Variants in AMOTL1 observed in about 807,000 individuals in gnomAD.
AMOTL1 encodes the protein angiomotin like 1, also known as angiomotin-like protein 1.
A neutral mutation model predicts 102.9 loss-of-function variants in AMOTL1; 45 were observed. The observed-to-expected ratio is 0.44, with a 90% CI of 0.34 to 0.56. The LOEUF is 0.56. AMOTL1 is among the 20% of genes least tolerant of loss of function. The pLI, the probability that AMOTL1 is intolerant of heterozygous loss-of-function variation, is 0.01. For missense variants in AMOTL1, 1,114 were observed against 1,225.6 expected (o/e 0.91, Z 1.36); for synonymous variants, 481 against 484.7 (o/e 0.99, Z 0.10).
intron 7 of AMOTL1, among the ~76,000 whole-genome samples, chr11:94,850,494 C>T (rs937979617): frequency 7.9e-5 from 12 of 152,250 alleles, no homozygotes; most frequent in Admixed American, 7.2e-4. Context: ...CACTCACACT[C>T]GGTGTGAAGC....
chr11:94,714,671 A>G (rs1279026487), intron 1 of AMOTL1, among the ~76,000 whole-genome samples: 1 of 152,136 alleles, frequency 6.6e-6, no homozygotes, highest in Non-Finnish European at 1.5e-5. Context: ...AAAGTTGTTC[A>G]TATATTTCAT....
chr11:94,706,493 G>A (rs1399440120), exon 1 of AMOTL1: 4 of 152,222 alleles, frequency 2.6e-5, no homozygotes, highest in South Asian at 4.1e-4. Context: ...CAGGGATGAA[G>A]TCACCTTTCT....
At chr11:94,712,207 A>C (rs1950031352) in intron 1 of AMOTL1, among the ~76,000 whole-genome samples, 1 of 152,024 alleles carries the variant, frequency 6.6e-6, no homozygotes, top group South Asian at 2.1e-4. Flanking sequence ...GATGCTGACC[A>C]TCTTTTCATG....
At chr11:94,786,894 C>G (rs1951197763) in intron 1 of AMOTL1, among the ~76,000 whole-genome samples, 1 of 152,282 alleles carries the variant, frequency 6.6e-6, no homozygotes, top group South Asian at 2.1e-4. Context: ...CATGATGTGT[C>G]AGAAACTCTT....
intron 3 of AMOTL1, among the ~76,000 whole-genome samples, chr11:94,743,577 G>A (rs1038374382): frequency 6.6e-6 from 1 of 150,786 alleles, no homozygotes; most frequent in Non-Finnish European, 1.5e-5. Context: ...ATGAGCACAG[G>A]TTCACTCCTG....
At chr11:94,747,198 G>A (rs1950599821) in intron 3 of AMOTL1, among the ~76,000 whole-genome samples, 1 of 152,084 alleles carries the variant, frequency 6.6e-6, no homozygotes, top group African/African-American at 2.4e-5. Context: ...GAAAGAATAG[G>A]TGGGGGAGCT....
chr11:94,829,725 A>G (rs1565371293), intron 4 of AMOTL1, among the ~76,000 whole-genome samples: 1 of 152,188 alleles, frequency 6.6e-6, no homozygotes, highest in Non-Finnish European at 1.5e-5. Flanking sequence ...CATAATAGCT[A>G]TAAATTGCCA....
chr11:94,822,431 A>C (rs1951883604), intron 4 of AMOTL1, among the ~76,000 whole-genome samples: 1 of 151,746 alleles, frequency 6.6e-6, no homozygotes, highest in African/African-American at 2.4e-5. Context: ...TGTCTCAAAA[A>C]TAAAAAATAA....
chr11:94,754,098 G>T (rs778181716), intron 3 of AMOTL1, among the ~76,000 whole-genome samples: 3 of 152,172 alleles, frequency 2.0e-5, no homozygotes, highest in Non-Finnish European at 4.4e-5. Context: ...TATTGGAAGG[G>T]GTTAAGTGAG....
At chr11:94,708,975 T>C (rs1289311159) in intron 1 of AMOTL1, among the ~76,000 whole-genome samples, 1 of 152,118 alleles carries the variant, frequency 6.6e-6, no homozygotes, top group Non-Finnish European at 1.5e-5. Context: ...TACTCAGAGA[T>C]TTAAAAATCG....
intron 1 of AMOTL1, among the ~76,000 whole-genome samples, chr11:94,777,176 C>T (rs1951037693): frequency 6.6e-6 from 1 of 152,182 alleles, no homozygotes; most frequent in South Asian, 2.1e-4. Context: ...AAGCATCACA[C>T]AACCATTTAT....
chr11:94,794,557 G>A (rs1207459004), intron 1 of AMOTL1, among the ~76,000 whole-genome samples: 1 of 152,200 alleles, frequency 6.6e-6, no homozygotes, highest in African/African-American at 2.4e-5. Flanking sequence ...TGGTGTGGCA[G>A]AATGACCACT....
intron 8 of AMOTL1, among the ~76,000 whole-genome samples, chr11:94,858,016 G>C (rs1214878683): frequency 6.6e-6 from 1 of 152,018 alleles, no homozygotes; most frequent in African/African-American, 2.4e-5. Context: ...AATTAGGGGG[G>C]GCTATGAAGA....
intron 1 of AMOTL1, among the ~76,000 whole-genome samples, chr11:94,776,065 C>T (rs1042363882): frequency 6.6e-6 from 1 of 152,190 alleles, no homozygotes; most frequent in Non-Finnish European, 1.5e-5. Flanking sequence ...ACGGAAAGGT[C>T]CTCCTGAAGA....
intron 2 of AMOTL1, chr11:94,729,109 T>C: frequency 1.7e-6 from 2 of 1,206,338 alleles, no homozygotes; most frequent in Non-Finnish European, 2.2e-6. Flanking sequence ...CTTCTGCACC[T>C]CATTATGTCA....
chr11:94,777,497 A>G (rs1012276908), intron 1 of AMOTL1, among the ~76,000 whole-genome samples: 1 of 152,236 alleles, frequency 6.6e-6, no homozygotes, highest in Admixed American at 6.5e-5. Context: ...AATTTCTCCA[A>G]AATAAATTCC....
intron 3 of AMOTL1, among the ~76,000 whole-genome samples, chr11:94,758,567 G>T (rs1437963839): frequency 1.3e-5 from 2 of 152,200 alleles, no homozygotes; most frequent in African/African-American, 2.4e-5. Flanking sequence ...GCAACAAAAG[G>T]CTACATCTCC....
intron 2 of AMOTL1, 64 bp downstream of exon 2, chr11:94,795,224 C>A: frequency 6.4e-7 from 1 of 1,569,664 alleles, no homozygotes; most frequent in Non-Finnish European, 8.7e-7. Flanking sequence ...TCATCTTTAG[C>A]TCTTTTGCAT....
At chr11:94,719,587 T>TGTGTGA (rs1555056085) in intron 1 of AMOTL1, among the ~76,000 whole-genome samples, 2 of 150,770 alleles carry the variant, frequency 1.3e-5, no homozygotes, top group African/African-American at 2.4e-5. Flanking sequence ...TGTGTGTGTG[T>TGTGTGA]GAGAGAGAGA....
Sources: gnomAD v4.1 joint callset for allele counts (sites outside exome capture counted in the v4.1 genomes callset) on GRCh38, gnomAD v4.1.1 for gene constraint, MANE v1.5 for transcripts, NCBI Gene and HGNC (gene_info 2026-07-23, HGNC 2026-07-21) for gene names.